Variants in AHCYL1 observed in about 807,000 individuals in gnomAD.
The protein encoded by AHCYL1 is adenosylhomocysteinase like 1.
A neutral mutation model predicts 79.3 loss-of-function variants in AHCYL1; 20 were observed. That is an observed-to-expected ratio of 0.25 (90% CI 0.18 to 0.37). The LOEUF (loss-of-function observed/expected upper bound fraction) is 0.37. AHCYL1 is among the 10% of genes least tolerant of loss of function. The pLI is 1.00. For synonymous variants in AHCYL1, 223 were observed against 242.2 expected, an observed-to-expected ratio of 0.92 and a Z score of 0.74; for missense variants, 330 against 673.6, an observed-to-expected ratio of 0.49 and a Z score of 5.65.
chr1:109,991,682 C>A (rs1438904394), intron 1 of AHCYL1, among the ~76,000 whole-genome samples: 1 of 152,174 alleles, frequency 6.6e-6, no homozygotes, highest in African/African-American at 2.4e-5. Flanking sequence ...TCCCTCTGAG[C>A]CTGTGTGCCA....
At chr1:109,995,184 G>A (rs894889468) in intron 1 of AHCYL1, among the ~76,000 whole-genome samples, 5 of 152,182 alleles carry the variant, frequency 3.3e-5, no homozygotes, top group Admixed American at 6.5e-5. Flanking sequence ...CCTGTGTTAA[G>A]CACCTTATTT....
At chr1:110,007,159 C>G (rs1238892249) in intron 1 of AHCYL1, among the ~76,000 whole-genome samples, 1 of 152,118 alleles carries the variant, frequency 6.6e-6, no homozygotes, top group Admixed American at 6.5e-5. Context: ...CAGTTCCCTC[C>G]CCCACCCTCA....
intron 1 of AHCYL1, among the ~76,000 whole-genome samples, chr1:109,999,536 T>G (rs1368220558): frequency 6.6e-6 from 1 of 152,206 alleles, no homozygotes; most frequent in Non-Finnish European, 1.5e-5. Context: ...TTTAATTGAT[T>G]ACTTTAAATA....
intron 1 of AHCYL1, among the ~76,000 whole-genome samples, chr1:110,002,529 A>T (rs1650374134): frequency 6.6e-6 from 1 of 152,272 alleles, no homozygotes; most frequent in Non-Finnish European, 1.5e-5. Context: ...TTACAAAAGA[A>T]TGCCAGCTAA....
intron 1 of AHCYL1, among the ~76,000 whole-genome samples, chr1:109,993,205 G>T (rs193241150): frequency 6.6e-6 from 1 of 152,174 alleles, no homozygotes; most frequent in African/African-American, 2.4e-5. Context: ...AGCTGATTCC[G>T]TAGGAGTGTT....
At chr1:110,016,122 G>C (rs377032331) in intron 7 of AHCYL1, among the ~76,000 whole-genome samples, 83 of 152,024 alleles carry the variant, frequency 5.5e-4, no homozygotes, top group African/African-American at 1.9e-3. Flanking sequence ...CAATTGAAAG[G>C]CTTTTTTTTT....
intron 3 of AHCYL1, among the ~76,000 whole-genome samples, chr1:110,011,719 C>T (rs1427417907): frequency 1.3e-5 from 2 of 152,194 alleles, no homozygotes; most frequent in East Asian, 3.8e-4. Context: ...CCAGATTGCC[C>T]AGAAGCAGCT....
At chr1:110,020,584 A>C in intron 15 of AHCYL1, 147 bp from the exon 16 acceptor site, 1 of 1,142,938 alleles carries the variant, frequency 8.7e-7, no homozygotes, top group Non-Finnish European at 1.2e-6. Context: ...TTTTTTAATT[A>C]AGCAAATATT....
intron 5 of AHCYL1, 147 bp downstream of exon 5, chr1:110,013,146 G>A: frequency 1.7e-6 from 1 of 579,858 alleles, no homozygotes; most frequent in African/African-American, 1.9e-5. Context: ...GAAGAAAGTG[G>A]ATAATAAAAT....
intron 1 of AHCYL1, among the ~76,000 whole-genome samples, chr1:110,007,001 T>C (rs1234794828): frequency 6.6e-6 from 1 of 152,180 alleles, no homozygotes; most frequent in Non-Finnish European, 1.5e-5. Context: ...TATTTTTAGA[T>C]GGGAAAGATT....
chr1:110,009,580 AATTAGT>A (rs1424579728), intron 2 of AHCYL1, among the ~76,000 whole-genome samples: 2 of 152,186 alleles, frequency 1.3e-5, no homozygotes, highest in Admixed American at 6.5e-5. Context: ...GTAACAATAA[AATTAGT>A]ATTTTGGCTT....
chr1:110,016,885 A>C (rs1651452959), intron 9 of AHCYL1, among the ~76,000 whole-genome samples, 155 bp downstream of exon 9: 1 of 152,238 alleles, frequency 6.6e-6, no homozygotes, highest in Non-Finnish European at 1.5e-5. Context: ...TTTTATTCAG[A>C]TTTATGAATA....
rs1557778845 is a variant in AHCYL1 at position 110,022,101 on chromosome 1, AGCAGGGATGGTACCTACCCG to A, written c.*427_*446del. ...CAGTGCTCTTTCACTTCTTCAGAGA[AGCAGGGATGGTACCTACCCG>A]GCAGGTAGGTTAGATGTGGGTGGTG... is the stretch of plus-strand genomic sequence containing the variant. On this transcript the variant is annotated 3_prime_UTR_variant, in exon 17 of 17. Coordinates refer to ENST00000369799, the MANE Select transcript of AHCYL1 (RefSeq NM_006621.7). 1 of 164,826 alleles carries A rather than the reference AGCAGGGATGGTACCTACCCG, an allele frequency of 6.1e-6. No individual in the cohort carries two copies. The highest frequency in any genetic ancestry group is 1.3e-5 in the Non-Finnish European group (1 of 76,372). 10.2% of individuals were successfully genotyped at this position (164,826 alleles called of 1,614,324 possible).
Position 109,995,570 on chromosome 1 carries a change from A to G in AHCYL1, c.120+10398A>G, listed in dbSNP as rs12076435. 5,721 of 629,094 alleles carry G rather than the reference A, an allele frequency of 9.1e-3. 288 individuals are homozygous for G. In the African/African-American group the frequency reaches 0.1, roughly 11 times the overall value. 39.0% of individuals were successfully genotyped at this position (629,094 alleles called of 1,614,324 possible). A position where few individuals can be genotyped will look rare whatever the true frequency, so the allele number is the denominator to read the frequency against. On this transcript the variant is annotated intron_variant, in intron 1 of 16. Transcript: ENST00000369799. Reference sequence around the variant, plus strand: ...TTTATTTCTGAACAAGGCATATCTAATGCATTTGTTCCCTGTATTGGAAGT... The same window carrying G: ...TTTATTTCTGAACAAGGCATATCTAGTGCATTTGTTCCCTGTATTGGAAGT...
chr1:110,002,062 G>C (rs906281032), intron 1 of AHCYL1, among the ~76,000 whole-genome samples: 1 of 152,158 alleles, frequency 6.6e-6, no homozygotes, highest in Non-Finnish European at 1.5e-5. Context: ...AAACATTAGA[G>C]ACAAGACATA....
At chr1:109,996,649 C>T (rs547240987) in intron 1 of AHCYL1, among the ~76,000 whole-genome samples, 5 of 152,286 alleles carry the variant, frequency 3.3e-5, no homozygotes, top group South Asian at 2.1e-4. Flanking sequence ...GTTGTGCAAA[C>T]GTCAGAGAGA....
At chr1:109,992,272 T>C (rs1191288749) in intron 1 of AHCYL1, among the ~76,000 whole-genome samples, 2 of 151,944 alleles carry the variant, frequency 1.3e-5, no homozygotes, top group African/African-American at 4.8e-5. Context: ...TAGCTGGGTG[T>C]GGCAGCACAC....
chr1:110,016,848 A>AC, intron 9 of AHCYL1, 118 bp downstream of exon 9: 1 of 1,088,822 alleles, frequency 9.2e-7, no homozygotes, highest in Non-Finnish European at 1.3e-6. Context: ...TTTTTTAGAT[A>AC]ATGTATCTCA....
intron 1 of AHCYL1, among the ~76,000 whole-genome samples, chr1:110,005,670 G>A (rs1261941795): frequency 2.0e-5 from 3 of 152,086 alleles, no homozygotes; most frequent in African/African-American, 7.2e-5. Flanking sequence ...GGCAAAATTG[G>A]GTGGGCCCTG....
Sources: allele counts gnomAD v4.1 joint callset (sites outside exome capture counted in the v4.1 genomes callset), GRCh38; gene constraint gnomAD v4.1.1; transcripts MANE v1.5; gene names NCBI Gene and HGNC (gene_info 2026-07-23, HGNC 2026-07-21).